KANK2: variants seen among roughly 807,000 people sequenced by gnomAD.
The protein encoded by KANK2 is KN motif and ankyrin repeat domains 2, also known as KN motif and ankyrin repeat domain-containing protein 2.
In KANK2, 41 loss-of-function variants were observed where a neutral mutation model predicts 74.6. The ratio of observed to expected loss-of-function variants is 0.55; its 90% confidence interval spans 0.43 to 0.71. The LOEUF is 0.71. KANK2 is among the 30% of genes least tolerant of loss of function. KANK2 has a pLI of 0.00. For synonymous variants in KANK2, 537 were observed against 519.0 expected (o/e 1.03, Z -0.47); for missense variants, 1,148 against 1,196.4 (o/e 0.96, Z 0.60).
rs758504321 is a variant in KANK2, at chr19:11,193,596, C to T, written c.484G>A (p.Val162Met). 5.7e-6 allele frequency: 9 copies of T among 1,584,378 alleles called. No homozygotes were observed. Among genetic ancestry groups the T allele is most frequent in the African/African-American group, 2.7e-5 (2 of 74,536 alleles). The change falls in exon 4 of 13, where the codon GTG (valine) becomes ATG (methionine). Residue 162 changes from valine (V) to methionine (M), a missense_variant. Transcript: ENST00000586659. The surrounding 1 kb of genome is among the most constrained non-coding windows in gnomAD (Gnocchi z 9.6). ...CGTGGTGTCGGGGGTGGCAACCCCA[C>T]GCCCACCAGGGAGGCTGTCGAGCCG... ...AAGSTASLVGVGLPPPTPRSS... is the reference protein window; with the variant it reads ...AAGSTASLVGMGLPPPTPRSS...
Position 11,174,498 on chromosome 19 carries a change from G to C in KANK2, c.2043C>G (p.Pro681=). The change falls in exon 9 of 13, where the codon CCC becomes CCG. Residue 681 remains proline (P), a synonymous_variant. Coordinates refer to ENST00000586659, the MANE Select transcript of KANK2 (RefSeq NM_001136191.3). ...CGCTGTCGAGCAGCTGCTGCACCAC[G>C]GGGAAGTTGGCATGAGACACGGAGT... ...LHYSVSHANF[P]VVQQLLDSGV... 6.2e-7 allele frequency: 1 copy of C among 1,612,392 alleles called. No individual in the cohort carries two copies. The highest frequency in any genetic ancestry group is 1.1e-5 in the South Asian group (1 of 90,692).
chr19:11,192,092 C>T (rs971948290), intron 4 of KANK2, among the ~76,000 whole-genome samples: 7 of 152,108 alleles, frequency 4.6e-5, no homozygotes, highest in Non-Finnish European at 1.0e-4. Flanking sequence ...GATATTTGTG[C>T]ACCTGGATCC....
At chr19:11,189,518 C>T (rs1219239150) in intron 4 of KANK2, among the ~76,000 whole-genome samples, 1 of 133,292 alleles carries the variant, frequency 7.5e-6, no homozygotes, top group Non-Finnish European at 1.5e-5. Flanking sequence ...GCAGAAGAAT[C>T]GCTTGAACTC....
chr19:11,193,779 A>C lies in KANK2; in HGVS notation c.301T>G (p.Ser101Ala), dbSNP rs767508292. The change falls in exon 4 of 13, where the codon TCC becomes GCC. Residue 101 changes from serine to alanine, a missense_variant. Transcript: ENST00000586659. The surrounding 1 kb of genome is among the most constrained non-coding windows in gnomAD (Gnocchi z 9.6). Reference protein sequence around the residue: ...ASGDSRHSAYSYCGRGFYPQY... With the variant: ...ASGDSRHSAYAYCGRGFYPQY... ...GGGTAGAAGCCACGGCCGCAGTAGG[A>C]ATAGGCTGAGTGGCGGCTGTCCCCA... 4 of 1,612,774 alleles carry C rather than the reference A, an allele frequency of 2.5e-6. No homozygotes were observed. The highest frequency in any genetic ancestry group is 3.4e-6 in the Non-Finnish European group (4 of 1,179,700).
intron 9 of KANK2, among the ~76,000 whole-genome samples, chr19:11,174,086 A>C (rs1368680164): frequency 6.6e-6 from 1 of 151,212 alleles, no homozygotes; most frequent in East Asian, 2.0e-4. Context: ...CATCTCCTCC[A>C]TCAGACTAGG....
intron 4 of KANK2, among the ~76,000 whole-genome samples, chr19:11,186,777 C>T (rs761045689): frequency 1.3e-5 from 2 of 152,090 alleles, no homozygotes; most frequent in East Asian, 3.9e-4. Context: ...CAACTTGAAC[C>T]GGAGCACGGT....
Position 11,193,877 on chromosome 19 carries a change from G to A in KANK2, c.203C>T (p.Pro68Leu). 1 of 1,613,456 alleles carries A rather than the reference G, an allele frequency of 6.2e-7. No homozygotes were observed. Among genetic ancestry groups the A allele is most frequent in the Non-Finnish European group, 8.5e-7 (1 of 1,179,860 alleles). Residue 68 changes from proline (P) to leucine (L), a missense_variant, in exon 4 of 13, where the codon CCC becomes CTC. Pro to Leu is a moderately conservative substitution (Grantham distance 98). Coordinates refer to ENST00000586659, the MANE Select transcript of KANK2 (RefSeq NM_001136191.3). This position sits in a 1 kb window ranked among gnomAD's most constrained non-coding sequence, Gnocchi z 9.6. ...TLRRVAVQRR[P>L]RLSSLPRGPG... ...GCCACGGGGCAGCGAGCTCAGGCGG[G>A]GGCGGCGCTGCACTGCCACGCGTCG...
Position 11,178,463 on chromosome 19 carries a change from G to A in KANK2, c.1418-16C>T. On this transcript the variant is annotated splice_polypyrimidine_tract_variant and intron_variant, in intron 5 of 12. Transcript: ENST00000586659. ...GGGGGCCCGCCTGGAGGGGAGGACAGCGGAGGTGCTGTGAGAGTCCTTCAG... is the reference window on the plus strand; with the variant it reads ...GGGGGCCCGCCTGGAGGGGAGGACAACGGAGGTGCTGTGAGAGTCCTTCAG... The A allele has an allele frequency of 6.2e-7, 1 of 1,601,520 alleles. No homozygotes were observed. The highest frequency in any genetic ancestry group is 1.7e-5 in the Admixed American group (1 of 57,496).
At chr19:11,197,302 A>T (rs1184752524) in intron 1 of KANK2, 183 bp downstream of exon 1, 1 of 150,046 alleles carries the variant, frequency 6.7e-6, no homozygotes, top group African/African-American at 2.5e-5. Context: ...GCGGGGACAG[A>T]CACTCCAAGT....
chr19:11,167,657 A>G (rs1411279191), intron 12 of KANK2, among the ~76,000 whole-genome samples: 1 of 151,756 alleles, frequency 6.6e-6, no homozygotes, highest in African/African-American at 2.4e-5. Flanking sequence ...CCTCCCGAGT[A>G]TCTGGGATTA....
chr19:11,193,120 C>T lies in KANK2; in HGVS notation c.960G>A (p.Pro320=), dbSNP rs761225584. The T allele has an allele frequency of 1.0e-5, 16 of 1,605,670 alleles. No homozygotes were observed. The Middle Eastern group carries it at 5.0e-4, about 50-fold the overall frequency. The part of the protein sequence containing the change: ...QADPQPQAWP[P]PDSPVRVDTV... ...TATCCACGCGGACCGGGCTGTCCGG[C>T]GGTGGCCAGGCCTGGGGCTGGGGGT... The change falls in exon 4 of 13, where the codon CCG becomes CCA. Residue 320 remains proline (P), a synonymous_variant. Coordinates refer to ENST00000586659, the MANE Select transcript of KANK2 (RefSeq NM_001136191.3). This position sits in a 1 kb window ranked among gnomAD's most constrained non-coding sequence, Gnocchi z 9.6.
chr19:11,176,839 G>C (rs199501503), intron 6 of KANK2, 22 bp from the exon 7 acceptor site: 164 of 1,495,046 alleles, frequency 1.1e-4, no homozygotes, highest in Non-Finnish European at 1.1e-4. Flanking sequence ...CGAGCGGGGA[G>C]GGGGAGATGC....
intron 2 of KANK2, 166 bp from the exon 3 acceptor site, chr19:11,194,756 C>A: frequency 4.4e-6 from 2 of 458,478 alleles, no homozygotes; most frequent in East Asian, 8.2e-5. Context: ...CCCCCGACCC[C>A]CTCCCCCCCG....
chr19:11,173,808 G>A (rs1309963108), intron 9 of KANK2, among the ~76,000 whole-genome samples: 1 of 152,036 alleles, frequency 6.6e-6, no homozygotes, highest in East Asian at 1.9e-4. Flanking sequence ...TCCCTCGTTA[G>A]ACTGGGAAGG....
At chr19:11,185,940 G>A (rs1248227655) in intron 4 of KANK2, among the ~76,000 whole-genome samples, 1 of 152,130 alleles carries the variant, frequency 6.6e-6, no homozygotes, top group African/African-American at 2.4e-5. Flanking sequence ...CTGAGGTGGA[G>A]GGATCACTTG....
At position 11,170,119 on chromosome 19, in the gene KANK2, C is replaced by T. The variant is rs749434072; in HGVS notation, c.2341G>A (p.Glu781Lys). 1.6e-5 allele frequency: 26 copies of T among 1,613,110 alleles called. No homozygotes were observed. In the South Asian group the frequency reaches 2.5e-4, roughly 16 times the overall value. The change falls in exon 11 of 13, where the codon GAG (glutamate) becomes AAG (lysine). Residue 781 changes from glutamate (E) to lysine (K), a missense_variant. Coordinates refer to ENST00000586659, the MANE Select transcript of KANK2 (RefSeq NM_001136191.3). The surrounding 1 kb of genome is among the most constrained non-coding windows in gnomAD (Gnocchi z 5.2). ...DGSTALMCAC[E>K]HGHKEIAGLL... is the part of the protein sequence containing the mutation. Reference sequence around the variant, plus strand: ...CCCGCGATCTCCTTGTGGCCGTGCTCACAGGCGCACATGAGGGCCGTGGAG... The same window carrying T: ...CCCGCGATCTCCTTGTGGCCGTGCTTACAGGCGCACATGAGGGCCGTGGAG...
At chr19:11,166,679 G>A (rs757731830) in intron 12 of KANK2, 68 bp from the exon 13 acceptor site, 20 of 1,476,630 alleles carry the variant, frequency 1.4e-5, no homozygotes, top group Non-Finnish European at 1.7e-5. Context: ...CCAACGTGGT[G>A]GCTGGCCTGG....
intron 4 of KANK2, among the ~76,000 whole-genome samples, chr19:11,184,780 GA>G (rs2147527734): frequency 6.8e-6 from 1 of 147,052 alleles, no homozygotes; most frequent in Non-Finnish European, 1.5e-5. Flanking sequence ...CCCCAACAGA[GA>G]AGCAGGCAGT....
intron 6 of KANK2, 95 bp downstream of exon 6, chr19:11,178,250 G>A (rs1254728570): frequency 9.3e-7 from 1 of 1,079,226 alleles, no homozygotes; most frequent in Non-Finnish European, 1.3e-6. Flanking sequence ...CCAAAGCAAG[G>A]AGCTCAGAAT....
Sources: gnomAD v4.1 joint callset for allele counts (sites outside exome capture counted in the v4.1 genomes callset) on GRCh38, gnomAD v4.1.1 for gene constraint, Gnocchi (gnomAD v3.1) non-coding constraint, MANE v1.5 for transcripts, NCBI Gene and HGNC (gene_info 2026-07-23, HGNC 2026-07-21) for gene names.